Variants in ZNF713 observed in about 807,000 individuals in gnomAD.
The protein encoded by ZNF713 is zinc finger protein 713.
A neutral mutation model predicts 28.7 loss-of-function variants in ZNF713; 21 were observed. That is an observed-to-expected ratio of 0.73 (90% CI 0.52 to 1.05). The LOEUF is 1.05. Among genes scored for constraint, ZNF713 ranks in the 50% least tolerant of loss-of-function variants. The pLI is 0.00. For missense variants in ZNF713, 458 were observed against 532.4 expected, an observed-to-expected ratio of 0.86 and a Z score of 1.37; for synonymous variants, 167 against 178.0, an observed-to-expected ratio of 0.94 and a Z score of 0.49.
At position 55,940,741 on chromosome 7, in the gene ZNF713, A is replaced by C. The variant is rs1786450357; in HGVS notation, c.*735A>C. 1 of 127,500 alleles carries C rather than the reference A, an allele frequency of 7.8e-6. No individual in the cohort carries two copies. Among genetic ancestry groups the C allele is most frequent in the African/African-American group, 2.9e-5 (1 of 34,430 alleles). 7.9% of individuals were successfully genotyped at this position (127,500 alleles called of 1,614,324 possible). On this transcript the variant is annotated 3_prime_UTR_variant, in exon 7 of 7. Transcript: ENST00000429591. ...GGGCAACAGAGCAAGACTCTGTCTC[A>C]AAAAAAAAAAAGAAAGAAAGCCTAT...
chr7:55,899,848 T>C (rs1005474194), intron 1 of ZNF713, among the ~76,000 whole-genome samples: 2 of 151,860 alleles, frequency 1.3e-5, no homozygotes, highest in Non-Finnish European at 2.9e-5. Flanking sequence ...TTCAAGTGAT[T>C]CTTGTGCCTC....
intron 2 of ZNF713, 107 bp from the exon 3 acceptor site, chr7:55,911,509 C>CTT (rs1785783118): frequency 6.6e-6 from 1 of 151,980 alleles, no homozygotes; most frequent in Non-Finnish European, 1.5e-5. Flanking sequence ...TTACTGTGCT[C>CTT]TGTCTGTGTG....
intron 2 of ZNF713, among the ~76,000 whole-genome samples, chr7:55,907,979 T>C (rs551598068): frequency 8.9e-4 from 136 of 152,142 alleles, no homozygotes; most frequent in African/African-American, 3.3e-3. Context: ...AGGTACCCAG[T>C]AGTGGGATTG....
intron 4 of ZNF713, among the ~76,000 whole-genome samples, chr7:55,922,318 A>G (rs576360139): frequency 2.5e-4 from 38 of 151,946 alleles, no homozygotes; most frequent in Admixed American, 4.6e-4. Flanking sequence ...AGGCGGGCAG[A>G]TCATAAGGTC....
intron 1 of ZNF713, among the ~76,000 whole-genome samples, chr7:55,902,213 A>G (rs1271211754): frequency 2.0e-5 from 3 of 152,086 alleles, no homozygotes; most frequent in African/African-American, 7.2e-5. Flanking sequence ...ATAAAATAAG[A>G]ATGTCAATAT....
chr7:55,920,914 C>A (rs1785980140), intron 4 of ZNF713, among the ~76,000 whole-genome samples: 1 of 152,114 alleles, frequency 6.6e-6, no homozygotes, highest in South Asian at 2.1e-4. Flanking sequence ...AGCCACCATG[C>A]CCAACCCAAT....
At chr7:55,899,751 G>A (rs1371551883) in intron 1 of ZNF713, among the ~76,000 whole-genome samples, 1 of 151,060 alleles carries the variant, frequency 6.6e-6, no homozygotes, top group East Asian at 2.0e-4. Context: ...TTTTTTGTTT[G>A]TTTGTTTTGA....
chr7:55,939,638 G>A lies in ZNF713; in HGVS notation c.964G>A (p.Ala322Thr), dbSNP rs1259364397. ...TTTTATATGCAATGGATGTGGGAAA[G>A]CCTTCCGTCAGCATTCATCCTTTAC... ...KPFICNGCGK[A>T]FRQHSSFTQH... Residue 322 changes from alanine (A) to threonine (T), a missense_variant, in exon 7 of 7, where the codon GCC becomes ACC. Transcript: ENST00000429591. The A allele has an allele frequency of 3.1e-6, 5 of 1,614,076 alleles. No individual in the cohort carries two copies. The highest frequency in any genetic ancestry group is 4.2e-6 in the Non-Finnish European group (5 of 1,180,052).
chr7:55,937,327 TTA>T (rs1786373378), intron 6 of ZNF713, among the ~76,000 whole-genome samples: 1 of 150,434 alleles, frequency 6.6e-6, no homozygotes, highest in African/African-American at 2.5e-5. Flanking sequence ...AAAATTAAAA[TTA>T]AAAAAAACTA....
At chr7:55,923,942 G>C (rs1287050283) in intron 6 of ZNF713, 2 of 299,396 alleles carry the variant, frequency 6.7e-6, no homozygotes, top group African/African-American at 4.2e-5. Context: ...TATTTTGAAG[G>C]TATCCATTTA....
intron 6 of ZNF713, among the ~76,000 whole-genome samples, chr7:55,927,632 C>T (rs1186995263): frequency 4.6e-5 from 7 of 151,784 alleles, no homozygotes; most frequent in Non-Finnish European, 8.8e-5. Flanking sequence ...GCTGGGTGCT[C>T]GCGCCTGCAA....
At chr7:55,904,078 A>G (rs1431982619) in intron 1 of ZNF713, among the ~76,000 whole-genome samples, 3 of 127,660 alleles carry the variant, frequency 2.3e-5, no homozygotes, top group East Asian at 2.6e-4. Flanking sequence ...GCAAAGGAAA[A>G]AGAGACTAGA....
At chr7:55,892,844 C>T (rs1208615312) in intron 1 of ZNF713, among the ~76,000 whole-genome samples, 1 of 143,506 alleles carries the variant, frequency 7.0e-6, no homozygotes, top group African/African-American at 2.6e-5. Flanking sequence ...GCACTCCATT[C>T]TGGGCAACAA....
intron 1 of ZNF713, among the ~76,000 whole-genome samples, chr7:55,902,575 A>AG (rs1785597576): frequency 6.6e-6 from 1 of 152,190 alleles, no homozygotes; most frequent in South Asian, 2.1e-4. Context: ...GGGCCTGAAC[A>AG]GGGAGGTGGT....
intron 4 of ZNF713, among the ~76,000 whole-genome samples, chr7:55,918,747 C>T (rs1455111285): frequency 6.6e-6 from 1 of 152,088 alleles, no homozygotes; most frequent in Non-Finnish European, 1.5e-5. Flanking sequence ...GCCTGTAATC[C>T]CAGCACTTTG....
chr7:55,924,314 C>T (rs543032669), intron 6 of ZNF713: 26 of 152,422 alleles, frequency 1.7e-4, no homozygotes, highest in African/African-American at 5.8e-4. Flanking sequence ...GGCTACAAAG[C>T]CAGTTAGGAT....
chr7:55,895,363 T>C (rs940068556), intron 1 of ZNF713, among the ~76,000 whole-genome samples: 1 of 152,034 alleles, frequency 6.6e-6, no homozygotes, highest in East Asian at 1.9e-4. Flanking sequence ...TTGCTATTCA[T>C]TGAGATCGGG....
chr7:55,938,345 A>G (rs895455306), intron 6 of ZNF713, among the ~76,000 whole-genome samples: 1 of 151,398 alleles, frequency 6.6e-6, no homozygotes, highest in African/African-American at 2.4e-5. Flanking sequence ...ATCATAATCC[A>G]TAAGTCATGC....
chr7:55,918,094 G>A (rs1349518011), intron 4 of ZNF713: 1 of 456,598 alleles, frequency 2.2e-6, no homozygotes, highest in Non-Finnish European at 4.4e-6. Context: ...GTGACTGGAG[G>A]ATGCAAAGCT....
Sources: gnomAD v4.1 joint callset for allele counts (sites outside exome capture counted in the v4.1 genomes callset) on GRCh38, gnomAD v4.1.1 for gene constraint, MANE v1.5 for transcripts, NCBI Gene and HGNC (gene_info 2026-07-23, HGNC 2026-07-21) for gene names.